PIEZO2: variants seen among roughly 807,000 people sequenced by gnomAD.
PIEZO2 encodes piezo-type mechanosensitive ion channel component 2.
Under a neutral mutation model 337.3 loss-of-function variants are expected in PIEZO2, and 172 were observed. That is an observed-to-expected ratio of 0.51 (90% CI 0.45 to 0.58). The LOEUF (loss-of-function observed/expected upper bound fraction) is 0.58. PIEZO2 is among the 20% of genes least tolerant of loss of function. The pLI is 0.00. For missense variants in PIEZO2, 3,028 were observed against 3,391.3 expected (o/e 0.89, Z 2.66); for synonymous variants, 1,251 against 1,228.5 (o/e 1.02, Z -0.38).
chr18:10,837,476 T>C lies in PIEZO2; in HGVS notation c.917+17877A>G, dbSNP rs144548914. 2.0e-5 allele frequency among the ~76,000 whole-genome samples: 3 copies of C among 152,232 alleles called. No homozygotes were observed. The East Asian group carries it at 5.8e-4, about 29-fold the overall frequency. On this transcript the variant is annotated intron_variant, in intron 7 of 55. Coordinates refer to ENST00000674853, the MANE Select transcript of PIEZO2 (RefSeq NM_001378183.1). The surrounding 1 kb of genome is among the most constrained non-coding windows in gnomAD (Gnocchi z 4.4). ...GAATGGGGGTAATGAGGATGACCCA[T>C]CCTTACCACCATGCACATCCTTTAG...
At chr18:10,923,139 T>C (rs1598695021) in intron 3 of PIEZO2, among the ~76,000 whole-genome samples, 2 of 152,134 alleles carry the variant, frequency 1.3e-5, no homozygotes, top group African/African-American at 4.8e-5. Context: ...CTGCACCGTC[T>C]CATAAGCATT....
chr18:10,751,973 A>G (rs974671582), intron 28 of PIEZO2, among the ~76,000 whole-genome samples: 3 of 152,120 alleles, frequency 2.0e-5, no homozygotes, highest in African/African-American at 7.2e-5. Context: ...CAGAGCAGCC[A>G]AGCTTCGTCG....
rs551918181 is a variant in PIEZO2, at chr18:10,696,472, C to T, written c.6895G>A (p.Val2299Met). ...YNLIHPEYSA[V>M]TDVYVLMFLA... is the part of the protein sequence containing the mutation. ...AACATGAGTACATACACGTCAGTCACGGCGCTATACTCCGGGTGGATGAGG... is the reference window on the plus strand; with the variant it reads ...AACATGAGTACATACACGTCAGTCATGGCGCTATACTCCGGGTGGATGAGG... Residue 2299 changes from valine to methionine, a missense_variant, in exon 46 of 56, where the codon GTG becomes ATG. Coordinates refer to ENST00000674853, the MANE Select transcript of PIEZO2 (RefSeq NM_001378183.1). 32 of 1,614,140 alleles carry T rather than the reference C, an allele frequency of 2.0e-5. No homozygotes were observed. The East Asian group carries it at 2.0e-4, about 10-fold the overall frequency.
At chr18:11,011,340 AAT>A (rs1205120936) in intron 2 of PIEZO2, among the ~76,000 whole-genome samples, 3 of 152,232 alleles carry the variant, frequency 2.0e-5, no homozygotes, top group Non-Finnish European at 4.4e-5. Flanking sequence ...TGCAAATATC[AAT>A]ATCAAACTAG....
At chr18:11,135,309 G>A (rs2040450112) in intron 1 of PIEZO2, among the ~76,000 whole-genome samples, 1 of 152,178 alleles carries the variant, frequency 6.6e-6, no homozygotes, top group East Asian at 1.9e-4. Context: ...GGTAGGAGAA[G>A]CTGGGTGAAT....
chr18:10,748,398 C>T lies in PIEZO2; in HGVS notation c.4424+73G>A. On this transcript the variant is annotated intron_variant, in intron 30 of 55. Coordinates refer to ENST00000674853, the MANE Select transcript of PIEZO2 (RefSeq NM_001378183.1). This position sits in a 1 kb window ranked among gnomAD's most constrained non-coding sequence, Gnocchi z 5.1. The stretch of plus-strand genomic sequence containing the variant: ...TGTGGGTTCTAGAAGCAAGCTCAGA[C>T]AGAAATGATAGTGCAATATTATTTC... The T allele has an allele frequency of 7.7e-6, 11 of 1,422,722 alleles. No homozygotes were observed. In the South Asian group the frequency reaches 1.3e-4, roughly 17 times the overall value. 88.1% of individuals were successfully genotyped at this position (1,422,722 alleles called of 1,614,324 possible).
rs2033396018 is a variant in PIEZO2, at chr18:10,953,686, T to C, written c.286+25849A>G. On this transcript the variant is annotated intron_variant, in intron 3 of 55. Coordinates refer to ENST00000674853, the MANE Select transcript of PIEZO2 (RefSeq NM_001378183.1). This position sits in a 1 kb window ranked among gnomAD's most constrained non-coding sequence, Gnocchi z 5.2. Reference sequence around the variant, plus strand: ...AAGGCATCCACTGCCCTAAACAGAATGAGATGGTTGAACACATCGCAACAC... The same window carrying C: ...AAGGCATCCACTGCCCTAAACAGAACGAGATGGTTGAACACATCGCAACAC... Among the ~76,000 whole-genome samples the C allele has an allele frequency of 6.6e-6, 1 of 152,042 alleles. No homozygotes were observed. Among genetic ancestry groups the C allele is most frequent in the Non-Finnish European group, 1.5e-5 (1 of 68,020 alleles).
chr18:10,957,030 T>C (rs264184), intron 3 of PIEZO2, among the ~76,000 whole-genome samples: 77,667 of 149,944 alleles, frequency 0.52, 20,397 homozygotes, highest in African/African-American at 0.59. Flanking sequence ...GAAATAAACC[T>C]AAGTATATGT....
chr18:10,858,321 CAAAAAAAAAAA>C (rs11361243), intron 5 of PIEZO2, among the ~76,000 whole-genome samples: 4 of 56,350 alleles, frequency 7.1e-5, no homozygotes, highest in African/African-American at 2.6e-4. Flanking sequence ...GACTTCAACC[CAAAAAAAAAAA>C]AAAAAAAAAA....
chr18:11,092,998 G>A lies in PIEZO2; in HGVS notation c.65-26776C>T, dbSNP rs1051437303. 2.0e-5 allele frequency among the ~76,000 whole-genome samples: 3 copies of A among 152,046 alleles called. No individual in the cohort carries two copies. Among genetic ancestry groups the A allele is most frequent in the Non-Finnish European group, 4.4e-5 (3 of 68,014 alleles). On this transcript the variant is annotated intron_variant, in intron 1 of 55. Transcript: ENST00000674853. The surrounding 1 kb of genome is among the most constrained non-coding windows in gnomAD (Gnocchi z 4.5). ...AACGAGCCCAAGAGCTTATAATATC[G>A]AGTGTGTTTGAGGTCAGGGCCATTT...
intron 3 of PIEZO2, among the ~76,000 whole-genome samples, chr18:10,921,307 A>G (rs2031381678): frequency 6.6e-6 from 1 of 152,142 alleles, no homozygotes; most frequent in South Asian, 2.1e-4. Context: ...GAAGTTAGGG[A>G]CCCCAAACAG....
At chr18:11,061,127 G>C (rs575904802) in intron 2 of PIEZO2, among the ~76,000 whole-genome samples, 1 of 152,256 alleles carries the variant, frequency 6.6e-6, no homozygotes, top group South Asian at 2.1e-4. Flanking sequence ...ACGTAATCCA[G>C]CATATAAACA....
chr18:11,104,228 A>G lies in PIEZO2; in HGVS notation c.65-38006T>C, dbSNP rs2039497359. ...GTCTATGTAACACTTGGAGCCCAGA[A>G]TTTGGAGGCTTTTCACATACTCTGA... On this transcript the variant is annotated intron_variant, in intron 1 of 55. Transcript: ENST00000674853. This position sits in a 1 kb window ranked among gnomAD's most constrained non-coding sequence, Gnocchi z 4.6. Among the ~76,000 whole-genome samples the G allele has an allele frequency of 6.6e-6, 1 of 152,218 alleles. No homozygotes were observed. The highest frequency in any genetic ancestry group is 2.1e-4 in the South Asian group (1 of 4,830).
intron 1 of PIEZO2, among the ~76,000 whole-genome samples, chr18:11,089,646 T>C (rs934803535): frequency 6.6e-6 from 1 of 152,208 alleles, no homozygotes; most frequent in African/African-American, 2.4e-5. Context: ...GATTTTCCAA[T>C]TGAGCACACA....
intron 1 of PIEZO2, among the ~76,000 whole-genome samples, chr18:11,119,447 C>A (rs1448271132): frequency 6.6e-6 from 1 of 152,136 alleles, no homozygotes; most frequent in Non-Finnish European, 1.5e-5. Context: ...CAAATACTTG[C>A]ATTTGATTAA....
In PIEZO2 at chr18:11,097,126, G is replaced by A. The variant is rs995654230; in HGVS notation, c.65-30904C>T. 6.6e-6 allele frequency among the ~76,000 whole-genome samples: 1 copy of A among 151,818 alleles called. No homozygotes were observed. The highest frequency in any genetic ancestry group is 1.5e-5 in the Non-Finnish European group (1 of 67,994). On this transcript the variant is annotated intron_variant, in intron 1 of 55. Coordinates refer to ENST00000674853, the MANE Select transcript of PIEZO2 (RefSeq NM_001378183.1). This position sits in a 1 kb window ranked among gnomAD's most constrained non-coding sequence, Gnocchi z 5.0. ...TGGAAATTGTCCCTGCTCCATTTTC[G>A]GCAAACAGGTGTCTGCAAACTACAT... is the stretch of plus-strand genomic sequence containing the variant.
intron 36 of PIEZO2, among the ~76,000 whole-genome samples, chr18:10,722,939 T>C (rs2036379859): frequency 6.6e-6 from 1 of 150,730 alleles, no homozygotes; most frequent in Non-Finnish European, 1.5e-5. Flanking sequence ...GTGGACAGCA[T>C]GTGTCCAGGA....
intron 4 of PIEZO2, among the ~76,000 whole-genome samples, chr18:10,905,424 A>G (rs2043150793): frequency 6.6e-6 from 1 of 152,034 alleles, no homozygotes; most frequent in South Asian, 2.1e-4. Context: ...TCCCTACTAA[A>G]AATACAAAAT....
chr18:10,840,435 G>A lies in PIEZO2; in HGVS notation c.917+14918C>T, dbSNP rs879128454. On this transcript the variant is annotated intron_variant, in intron 7 of 55. Coordinates refer to ENST00000674853, the MANE Select transcript of PIEZO2 (RefSeq NM_001378183.1). ...CAGTAAATCATGAGAATGAACGTTA[G>A]AGCTGGTCCTTTTTTATTGAGGGTA... Among the ~76,000 whole-genome samples, 7 of 152,220 alleles carry A rather than the reference G, an allele frequency of 4.6e-5. No homozygotes were observed. The South Asian group carries it at 1.0e-3, about 23-fold the overall frequency.
Sources: allele counts gnomAD v4.1 joint callset (sites outside exome capture counted in the v4.1 genomes callset), GRCh38; gene constraint gnomAD v4.1.1; non-coding constraint Gnocchi (gnomAD v3.1); transcripts MANE v1.5; gene names NCBI Gene and HGNC (gene_info 2026-07-23, HGNC 2026-07-21).